The following DAGLA variants were observed in gnomAD, a reference collection of about 807,000 sequenced individuals.
The protein encoded by DAGLA is diacylglycerol lipase-alpha.
In DAGLA, 22 loss-of-function variants were observed where a neutral mutation model predicts 102.6. The ratio of observed to expected loss-of-function variants is 0.21; its 90% CI spans 0.15 to 0.31. The LOEUF is 0.31. Ranked by LOEUF, DAGLA falls within the 10% of genes least tolerant of loss-of-function variation. The probability of loss-of-function intolerance (pLI) is 1.00; values close to 1 mark genes in which losing one functional copy is unlikely to be tolerated. For missense variants in DAGLA, 927 were observed against 1,446.6 expected (o/e 0.64, Z 5.83); for synonymous variants, 578 against 628.9 (o/e 0.92, Z 1.21).
At chr11:61,731,254 T>G in intron 8 of DAGLA, 63 bp from the exon 9 acceptor site, 2 of 1,598,412 alleles carry the variant, frequency 1.3e-6, no homozygotes, top group Non-Finnish European at 1.7e-6. Context: ...GGGGAACTGC[T>G]GGGCCCTGAG....
In DAGLA at chr11:61,740,694, G is replaced by A. The variant is rs1326192720; in HGVS notation, c.1983+102G>A. 1.1e-5 allele frequency: 17 copies of A among 1,480,842 alleles called. No individual in the cohort carries two copies. The South Asian group carries it at 1.7e-4, about 15-fold the overall frequency. 91.7% of individuals were successfully genotyped at this position (1,480,842 alleles called of 1,614,324 possible). A position where few individuals can be genotyped will look rare whatever the true frequency, so the allele number is the denominator to read the frequency against. ...ATCACTGCCCGATTTTACAGACAAG[G>A]GTGCTGGGGCTCAGAGAAGTAGGTA... is the stretch of plus-strand genomic sequence containing the variant. On this transcript the variant is annotated intron_variant, in intron 18 of 19. Coordinates refer to ENST00000257215, the MANE Select transcript of DAGLA (RefSeq NM_006133.3).
At chr11:61,727,401 A>G (rs915383460) in intron 6 of DAGLA, among the ~76,000 whole-genome samples, 2 of 152,248 alleles carry the variant, frequency 1.3e-5, no homozygotes, top group African/African-American at 4.8e-5. Context: ...GGCGAGACCC[A>G]GTGAGACAGA....
chr11:61,728,401 C>T, intron 7 of DAGLA, 114 bp downstream of exon 7: 5 of 1,337,166 alleles, frequency 3.7e-6, no homozygotes, highest in African/African-American at 1.4e-5. Flanking sequence ...TCCCCAGTGA[C>T]CACGCACTCT....
chr11:61,699,756 C>G (rs2065094434), intron 1 of DAGLA, among the ~76,000 whole-genome samples: 2 of 152,260 alleles, frequency 1.3e-5, no homozygotes, highest in South Asian at 4.1e-4. Context: ...AGGCAGAGTG[C>G]TGGGGACACC....
At chr11:61,720,918 C>A (rs1393405380) in intron 3 of DAGLA, 28 bp downstream of exon 3, 1 of 1,591,658 alleles carries the variant, frequency 6.3e-7, no homozygotes, top group South Asian at 1.1e-5. Context: ...TGGGGTGCTG[C>A]CCCAGACAAC....
chr11:61,707,700 G>A (rs888464118), intron 1 of DAGLA, among the ~76,000 whole-genome samples: 1 of 152,238 alleles, frequency 6.6e-6, no homozygotes, highest in East Asian at 1.9e-4. Context: ...AGGCCATGTC[G>A]GGGCGGAGTG....
chr11:61,730,457 C>T (rs1242314418), intron 8 of DAGLA, among the ~76,000 whole-genome samples: 1 of 152,180 alleles, frequency 6.6e-6, no homozygotes, highest in African/African-American at 2.4e-5. Context: ...GGGATGTTTC[C>T]ACCCCTCCGG....
At chr11:61,681,302 C>T (rs1184412939) in intron 1 of DAGLA, among the ~76,000 whole-genome samples, 2 of 152,166 alleles carry the variant, frequency 1.3e-5, no homozygotes, top group African/African-American at 2.4e-5. Context: ...GGAGAAGCTT[C>T]TACCACAAGG....
At chr11:61,741,607 C>CTTT (rs34881719) in intron 19 of DAGLA, among the ~76,000 whole-genome samples, 10 of 132,008 alleles carry the variant, frequency 7.6e-5, no homozygotes, top group Non-Finnish European at 9.8e-5. Flanking sequence ...CAGATTCACT[C>CTTT]TTTTTTTTTT....
At chr11:61,693,451 C>T (rs537905637) in intron 1 of DAGLA, among the ~76,000 whole-genome samples, 41 of 151,552 alleles carry the variant, frequency 2.7e-4, no homozygotes, top group Non-Finnish European at 5.3e-4. Flanking sequence ...TGGGTTTAAG[C>T]GATTCTCCTG....
chr11:61,727,847 C>A (rs562974953), intron 6 of DAGLA, among the ~76,000 whole-genome samples: 1 of 152,116 alleles, frequency 6.6e-6, no homozygotes, highest in African/African-American at 2.4e-5. Flanking sequence ...TCTGGGAAAG[C>A]AAAAAGGAGT....
At chr11:61,739,845 C>T (rs1035961164) in intron 17 of DAGLA, among the ~76,000 whole-genome samples, 184 bp downstream of exon 17, 2 of 152,214 alleles carry the variant, frequency 1.3e-5, no homozygotes, top group Non-Finnish European at 2.9e-5. Flanking sequence ...AAAAGGCCAG[C>T]CCTGAGCAGG....
At chr11:61,693,014 AT>A (rs776246668) in intron 1 of DAGLA, among the ~76,000 whole-genome samples, 229 of 139,468 alleles carry the variant, frequency 1.6e-3, no homozygotes, top group Non-Finnish European at 1.5e-3. Flanking sequence ...TTTGGTTTCT[AT>A]TTTTTTTTTT....
chr11:61,682,855 G>C (rs1057440881), intron 1 of DAGLA, among the ~76,000 whole-genome samples: 3 of 151,718 alleles, frequency 2.0e-5, no homozygotes, highest in South Asian at 2.1e-4. Context: ...GGGGGACGGG[G>C]GGGGGAGGTG....
At chr11:61,731,170 G>T (rs972501055) in intron 8 of DAGLA, 147 bp from the exon 9 acceptor site, 2 of 834,344 alleles carry the variant, frequency 2.4e-6, no homozygotes, top group Non-Finnish European at 3.6e-6. Flanking sequence ...TTCCTCCAAG[G>T]CCTGGGCCCC....
rs1591058574 is a variant in DAGLA at position 61,744,921 on chromosome 11, G to A, written c.*432G>A. 2 of 170,908 alleles carry A rather than the reference G, an allele frequency of 1.2e-5. No individual in the cohort carries two copies. The highest frequency in any genetic ancestry group is 2.5e-5 in the Non-Finnish European group (2 of 79,402). 10.6% of individuals were successfully genotyped at this position (170,908 alleles called of 1,614,324 possible). ...TGTATTCTCATCTGTGGTCCAGGCC[G>A]GCATCGTCCTGGCCACCCCCCAGAT... On this transcript the variant is annotated 3_prime_UTR_variant, in exon 20 of 20. Coordinates refer to ENST00000257215, the MANE Select transcript of DAGLA (RefSeq NM_006133.3).
intron 1 of DAGLA, among the ~76,000 whole-genome samples, chr11:61,681,096 C>CG (rs2064938543): frequency 6.6e-6 from 1 of 152,144 alleles, no homozygotes; most frequent in African/African-American, 2.4e-5. Flanking sequence ...GGCACTGCCG[C>CG]GGGGGGAGTC....
intron 1 of DAGLA, 100 bp downstream of exon 1, chr11:61,680,604 C>G (rs1182929320): frequency 6.7e-6 from 1 of 150,074 alleles, no homozygotes; most frequent in Non-Finnish European, 1.5e-5. Context: ...GTGGCCGGCC[C>G]GACGGGTCGG....
intron 1 of DAGLA, among the ~76,000 whole-genome samples, chr11:61,710,568 G>A (rs1470557843): frequency 6.6e-6 from 1 of 152,088 alleles, no homozygotes. Context: ...GGTGGTTGTG[G>A]ATTAAAGGAG....
Sources: allele counts gnomAD v4.1 joint callset (sites outside exome capture counted in the v4.1 genomes callset), GRCh38; gene constraint gnomAD v4.1.1; transcripts MANE v1.5; gene names NCBI Gene and HGNC (gene_info 2026-07-23, HGNC 2026-07-21).